Variants in FAM210A observed in about 807,000 individuals in gnomAD.
The protein encoded by FAM210A is family with sequence similarity 210 member A.
In FAM210A, 13 loss-of-function variants were observed where a neutral mutation model predicts 25.3. That is an observed-to-expected ratio of 0.51 (90% confidence interval 0.33 to 0.82). The LOEUF (loss-of-function observed/expected upper bound fraction) is 0.82, where lower values mean the gene tolerates loss of function less well. Among genes scored for constraint, FAM210A ranks in the 40% least tolerant of loss-of-function variants. The pLI is 0.02. For missense variants in FAM210A, 319 were observed against 323.2 expected (o/e 0.99, Z 0.10); for synonymous variants, 125 against 118.7 (o/e 1.05, Z -0.35).
intron 1 of FAM210A, among the ~76,000 whole-genome samples, chr18:13,717,851 C>A (rs2043872822): frequency 6.6e-6 from 1 of 152,302 alleles, no homozygotes; most frequent in African/African-American, 2.4e-5. Context: ...TTCATCTTAG[C>A]AGACTGGAGA....
chr18:13,725,303 A>T (rs1392956418), intron 1 of FAM210A, among the ~76,000 whole-genome samples: 1 of 152,198 alleles, frequency 6.6e-6, no homozygotes, highest in Non-Finnish European at 1.5e-5. Flanking sequence ...ATATAATAAC[A>T]AATACAAGCA....
chr18:13,711,012 G>C (rs1333611468), intron 1 of FAM210A, among the ~76,000 whole-genome samples: 1 of 152,052 alleles, frequency 6.6e-6, no homozygotes, highest in Non-Finnish European at 1.5e-5. Flanking sequence ...ATGCCATCAA[G>C]AAAGTAGGTC....
intron 3 of FAM210A, among the ~76,000 whole-genome samples, chr18:13,667,710 C>G (rs548002122): frequency 2.0e-5 from 3 of 151,794 alleles, no homozygotes; most frequent in Admixed American, 2.0e-4. Context: ...AAGAGTGAAG[C>G]TACCTCTCAA....
At chr18:13,720,136 A>G (rs1394283234) in intron 1 of FAM210A, among the ~76,000 whole-genome samples, 1 of 152,206 alleles carries the variant, frequency 6.6e-6, no homozygotes, top group Non-Finnish European at 1.5e-5. Flanking sequence ...TGTTTCTTAA[A>G]AGAGCAGTTA....
chr18:13,724,082 CA>C (rs1459786523), intron 1 of FAM210A, among the ~76,000 whole-genome samples: 1 of 152,108 alleles, frequency 6.6e-6, no homozygotes, highest in Non-Finnish European at 1.5e-5. Context: ...GAAGTACTCT[CA>C]CTTTCTTACA....
At chr18:13,714,115 G>A (rs2043842751) in intron 1 of FAM210A, among the ~76,000 whole-genome samples, 1 of 152,172 alleles carries the variant, frequency 6.6e-6, no homozygotes, top group African/African-American at 2.4e-5. Context: ...ACACAGAACT[G>A]TAACCCTTTT....
At chr18:13,709,826 T>C (rs556467333) in intron 1 of FAM210A, among the ~76,000 whole-genome samples, 88 of 152,348 alleles carry the variant, frequency 5.8e-4, no homozygotes, top group Non-Finnish European at 1.1e-3. Flanking sequence ...ACCCAAGTTA[T>C]TGACCCCATT....
At chr18:13,692,763 T>C (rs2043658171) in intron 1 of FAM210A, among the ~76,000 whole-genome samples, 1 of 152,050 alleles carries the variant, frequency 6.6e-6, no homozygotes, top group Non-Finnish European at 1.5e-5. Flanking sequence ...TAGAGGGAAA[T>C]TTATACACTA....
At chr18:13,677,492 GAACAC>G (rs1213404521) in intron 2 of FAM210A, among the ~76,000 whole-genome samples, 1 of 152,198 alleles carries the variant, frequency 6.6e-6, no homozygotes, top group Non-Finnish European at 1.5e-5. Flanking sequence ...GAACAGAACA[GAACAC>G]AACACAACAG....
At chr18:13,714,694 T>C (rs1346957865) in intron 1 of FAM210A, among the ~76,000 whole-genome samples, 1 of 152,208 alleles carries the variant, frequency 6.6e-6, no homozygotes, top group Admixed American at 6.5e-5. Flanking sequence ...GAACTTAATT[T>C]AGATCCTGGA....
rs2043951005 is a variant in FAM210A, at chr18:13,726,451, A to C, written c.-151T>G. 1 of 152,414 alleles carries C rather than the reference A, an allele frequency of 6.6e-6. No homozygotes were observed. Among genetic ancestry groups the C allele is most frequent in the Non-Finnish European group, 1.5e-5 (1 of 68,210 alleles). 9.4% of individuals were successfully genotyped at this position (152,414 alleles called of 1,614,324 possible). Reference sequence around the variant, plus strand: ...GACAAAGCGTGGGTCCGCGTGCAGGAACCCGCCGGGCTCAGCCGGACGCTA... The same window carrying C: ...GACAAAGCGTGGGTCCGCGTGCAGGCACCCGCCGGGCTCAGCCGGACGCTA... On this transcript the variant is annotated 5_prime_UTR_variant, in exon 1 of 4. Transcript: ENST00000651643.
intron 1 of FAM210A, among the ~76,000 whole-genome samples, chr18:13,710,884 T>TA (rs2149068525): frequency 6.6e-6 from 1 of 152,314 alleles, no homozygotes; most frequent in Admixed American, 6.5e-5. Flanking sequence ...ATGACATTAA[T>TA]AAAACTCTTT....
At chr18:13,695,548 G>A (rs2043684920) in intron 1 of FAM210A, among the ~76,000 whole-genome samples, 1 of 152,194 alleles carries the variant, frequency 6.6e-6, no homozygotes, top group Non-Finnish European at 1.5e-5. Context: ...AAAAGGATGA[G>A]TTAACGTCCT....
At chr18:13,674,916 G>C (rs1238149977) in intron 2 of FAM210A, among the ~76,000 whole-genome samples, 1 of 145,872 alleles carries the variant, frequency 6.9e-6, no homozygotes, top group Non-Finnish European at 1.5e-5. Context: ...CCAGTTTCCT[G>C]ATTATTAACA....
In FAM210A at chr18:13,681,683, T is replaced by C; in HGVS notation, c.395A>G (p.Gln132Arg). The C allele has an allele frequency of 6.2e-7, 1 of 1,614,032 alleles. No homozygotes were observed. Among genetic ancestry groups the C allele is most frequent in the South Asian group, 1.1e-5 (1 of 90,986 alleles). Residue 132 changes from glutamine (Q) to arginine (R), a missense_variant, in exon 2 of 4, where the codon CAG becomes CGG. Physicochemically the swap from Gln to Arg is conservative, Grantham distance 43. Coordinates refer to ENST00000651643, the MANE Select transcript of FAM210A (RefSeq NM_152352.4). The part of the protein sequence containing the change: ...LYQRFKKTFR[Q>R]YGKVLIPVHL... ...CACTGGAATCAGAACTTTTCCATAC[T>C]GTCTAAATGTCTTCTTGAATCGTTG... is the stretch of plus-strand genomic sequence containing the variant.
chr18:13,712,571 T>C (rs2043830075), intron 1 of FAM210A, among the ~76,000 whole-genome samples: 1 of 152,210 alleles, frequency 6.6e-6, no homozygotes, highest in East Asian at 1.9e-4. Context: ...TGAATGAGAA[T>C]AGCGACCTTA....
intron 1 of FAM210A, among the ~76,000 whole-genome samples, chr18:13,701,542 C>T (rs2043740186): frequency 6.6e-6 from 1 of 152,062 alleles, no homozygotes; most frequent in Admixed American, 6.6e-5. Context: ...AAATCATTGG[C>T]TAAGTTAATC....
intron 1 of FAM210A, among the ~76,000 whole-genome samples, chr18:13,705,193 A>G (rs1453828948): frequency 6.6e-6 from 1 of 152,224 alleles, no homozygotes; most frequent in Admixed American, 6.5e-5. Flanking sequence ...GTTTAAATAT[A>G]CAATTTAAAT....
At chr18:13,711,596 A>G (rs1464184924) in intron 1 of FAM210A, among the ~76,000 whole-genome samples, 2 of 152,120 alleles carry the variant, frequency 1.3e-5, no homozygotes, top group Non-Finnish European at 2.9e-5. Context: ...TTTCCTTTCT[A>G]TAACTCCAGC....
Sources: gnomAD v4.1 joint callset for allele counts (sites outside exome capture counted in the v4.1 genomes callset) on GRCh38, gnomAD v4.1.1 for gene constraint, MANE v1.5 for transcripts, NCBI Gene and HGNC (gene_info 2026-07-23, HGNC 2026-07-21) for gene names.